The following SCFD2 variants were observed in gnomAD, a reference collection of about 807,000 sequenced individuals.
SCFD2 encodes sec1 family domain containing 2, also known as sec1 family domain-containing protein 2.
A neutral mutation model predicts 58.9 loss-of-function variants in SCFD2; 54 were observed. That is an observed-to-expected ratio of 0.92 (90% confidence interval 0.74 to 1.15). The LOEUF (loss-of-function observed/expected upper bound fraction) is 1.15, where lower values mean the gene tolerates loss of function less well. SCFD2 is among the 50% of genes most tolerant of loss of function. The pLI is 0.00. For synonymous variants in SCFD2, 321 were observed against 335.9 expected, an observed-to-expected ratio of 0.96 and a Z score of 0.49; for missense variants, 805 against 836.6, an observed-to-expected ratio of 0.96 and a Z score of 0.47.
At chr4:53,115,287 T>C (rs577498170) in intron 5 of SCFD2, among the ~76,000 whole-genome samples, 1 of 152,132 alleles carries the variant, frequency 6.6e-6, no homozygotes, top group Non-Finnish European at 1.5e-5. Flanking sequence ...GAAACACTAA[T>C]TCAAGAAAAA....
intron 5 of SCFD2, among the ~76,000 whole-genome samples, chr4:53,121,680 G>A (rs113852797): frequency 0.016 from 2,370 of 152,262 alleles, 36 homozygotes; most frequent in Non-Finnish European, 0.025. Flanking sequence ...AGACCTGGTC[G>A]CAATCAGAAT....
At chr4:52,925,888 G>A (rs1193935020) in intron 5 of SCFD2, among the ~76,000 whole-genome samples, 2 of 152,196 alleles carry the variant, frequency 1.3e-5, no homozygotes, top group Non-Finnish European at 1.5e-5. Flanking sequence ...TTTCTCTAGA[G>A]GGCTTGAGGA....
chr4:53,342,295 A>T (rs1047560456), intron 2 of SCFD2, among the ~76,000 whole-genome samples: 4 of 151,456 alleles, frequency 2.6e-5, no homozygotes, highest in Admixed American at 2.6e-4. Context: ...AAAAAAAAGG[A>T]GCAGTTGCAA....
At chr4:53,069,917 A>G (rs566250442) in intron 5 of SCFD2, among the ~76,000 whole-genome samples, 1 of 152,144 alleles carries the variant, frequency 6.6e-6, no homozygotes, top group East Asian at 1.9e-4. Context: ...TTTCTGTATC[A>G]ATCGATATTT....
chr4:53,020,347 C>T (rs564630155), intron 5 of SCFD2, among the ~76,000 whole-genome samples: 4 of 152,114 alleles, frequency 2.6e-5, no homozygotes, highest in Non-Finnish European at 5.9e-5. Context: ...GTGAGTTAAT[C>T]GGTTACTGTT....
chr4:53,155,052 C>A (rs180732046), intron 4 of SCFD2, among the ~76,000 whole-genome samples: 1 of 152,136 alleles, frequency 6.6e-6, no homozygotes, highest in Admixed American at 6.5e-5. Flanking sequence ...AGAACAAATC[C>A]GTTGTTGTGT....
chr4:53,142,024 C>T (rs567890880), intron 5 of SCFD2, among the ~76,000 whole-genome samples: 1 of 152,310 alleles, frequency 6.6e-6, no homozygotes, highest in African/African-American at 2.4e-5. Flanking sequence ...AATGTCTTAC[C>T]AGATTTCTAG....
chr4:53,274,634 A>C (rs1442206541), intron 3 of SCFD2, among the ~76,000 whole-genome samples: 1 of 152,130 alleles, frequency 6.6e-6, no homozygotes, highest in African/African-American at 2.4e-5. Context: ...AGAACAAGAG[A>C]GCCTACCTCA....
chr4:52,903,799 T>C (rs1385813783), intron 7 of SCFD2, among the ~76,000 whole-genome samples: 4 of 152,190 alleles, frequency 2.6e-5, no homozygotes, highest in Non-Finnish European at 5.9e-5. Context: ...AACATGCTGA[T>C]TAAAACCATT....
chr4:53,256,088 C>T (rs1476062409), intron 4 of SCFD2, among the ~76,000 whole-genome samples: 15 of 150,286 alleles, frequency 1.0e-4, no homozygotes, highest in African/African-American at 2.4e-4. Context: ...CCCTCCCGGA[C>T]GGGGTGGCTG....
chr4:53,336,215 A>G (rs1306348296), intron 2 of SCFD2, among the ~76,000 whole-genome samples: 1 of 152,214 alleles, frequency 6.6e-6, no homozygotes, highest in African/African-American at 2.4e-5. Flanking sequence ...GGTTCATAAA[A>G]CAATTACCAA....
intron 5 of SCFD2, among the ~76,000 whole-genome samples, chr4:52,997,613 T>C (rs1721772965): frequency 6.6e-6 from 1 of 152,134 alleles, no homozygotes; most frequent in African/African-American, 2.4e-5. Flanking sequence ...TGGGGAATGG[T>C]AAAGCATCAA....
At chr4:53,217,412 C>T (rs1432620909) in intron 4 of SCFD2, among the ~76,000 whole-genome samples, 1 of 151,896 alleles carries the variant, frequency 6.6e-6, no homozygotes, top group Non-Finnish European at 1.5e-5. Context: ...GGCCTTGTCT[C>T]TTTTGATCTT....
intron 7 of SCFD2, among the ~76,000 whole-genome samples, chr4:52,892,733 T>C (rs557621294): frequency 2.6e-5 from 4 of 152,332 alleles, no homozygotes; most frequent in Admixed American, 2.6e-4. Context: ...TCCTCAATTT[T>C]CTTATCCATC....
At chr4:53,088,439 T>A (rs1269243282) in intron 5 of SCFD2, among the ~76,000 whole-genome samples, 1 of 152,210 alleles carries the variant, frequency 6.6e-6, no homozygotes, top group Non-Finnish European at 1.5e-5. Flanking sequence ...CCCACTGTAG[T>A]GGGCCTGGAA....
chr4:52,885,975 A>T, intron 7 of SCFD2, 109 bp from the exon 8 acceptor site: 1 of 1,382,166 alleles, frequency 7.2e-7, no homozygotes, highest in Non-Finnish European at 1.0e-6. Context: ...ACTACTACTG[A>T]TAGTGGCAGG....
intron 5 of SCFD2, among the ~76,000 whole-genome samples, chr4:52,996,531 G>A (rs1277689185): frequency 1.3e-5 from 2 of 152,236 alleles, no homozygotes; most frequent in African/African-American, 4.8e-5. Flanking sequence ...CATTTGGAGA[G>A]AACATTCCCT....
intron 5 of SCFD2, among the ~76,000 whole-genome samples, chr4:53,119,543 G>C (rs934052470): frequency 3.9e-5 from 6 of 152,216 alleles, no homozygotes; most frequent in African/African-American, 1.4e-4. Flanking sequence ...GTGGATCAGA[G>C]GAAGAGATGG....
intron 4 of SCFD2, among the ~76,000 whole-genome samples, chr4:53,179,043 T>C (rs1166637140): frequency 2.9e-4 from 44 of 152,270 alleles, no homozygotes; most frequent in South Asian, 2.1e-4. Flanking sequence ...CTGAAAGTGA[T>C]GGGGAGAATG....
Sources: allele counts gnomAD v4.1 joint callset (sites outside exome capture counted in the v4.1 genomes callset), GRCh38; gene constraint gnomAD v4.1.1; transcripts MANE v1.5; gene names NCBI Gene and HGNC (gene_info 2026-07-23, HGNC 2026-07-21).